TBCK: variants seen among roughly 807,000 people sequenced by gnomAD.
TBCK encodes the protein TBC domain-containing protein kinase-like protein.
A neutral mutation model predicts 113.4 loss-of-function variants in TBCK; 99 were observed. The ratio of observed to expected loss-of-function variants is 0.87; its 90% confidence interval spans 0.74 to 1.03. TBCK has a LOEUF of 1.03. Ranked by LOEUF, TBCK falls within the 50% of genes least tolerant of loss-of-function variation. The probability of loss-of-function intolerance (pLI) is 0.00; values close to 1 mark genes in which losing one functional copy is unlikely to be tolerated. For missense variants in TBCK, 1,045 were observed against 1,061.3 expected, an observed-to-expected ratio of 0.98 and a Z score of 0.21; for synonymous variants, 369 against 370.8, an observed-to-expected ratio of 1.00 and a Z score of 0.05.
intron 23 of TBCK, among the ~76,000 whole-genome samples, chr4:106,170,275 G>T (rs777046714): frequency 6.6e-6 from 1 of 151,800 alleles, no homozygotes; most frequent in South Asian, 2.1e-4. Context: ...TATAAGTGTG[G>T]GTTCTTATTC....
chr4:106,261,832 G>A (rs1483583907), intron 4 of TBCK, among the ~76,000 whole-genome samples: 4 of 151,830 alleles, frequency 2.6e-5, no homozygotes, highest in Non-Finnish European at 5.9e-5. Context: ...TTAGAAATAA[G>A]AGTAAAATAA....
chr4:106,278,854 ACT>A (rs1211778281), intron 3 of TBCK, among the ~76,000 whole-genome samples: 3 of 152,100 alleles, frequency 2.0e-5, no homozygotes, highest in Admixed American at 2.0e-4. Context: ...CATAATGTAA[ACT>A]CTATTGCAAT....
At chr4:106,251,250 T>C (rs919198812) in intron 6 of TBCK, 1 of 179,598 alleles carries the variant, frequency 5.6e-6, no homozygotes, top group African/African-American at 2.4e-5. Flanking sequence ...GAGGGTTATG[T>C]AATGCAGAAT....
intron 23 of TBCK, among the ~76,000 whole-genome samples, chr4:106,161,789 G>A (rs1221401020): frequency 6.6e-6 from 1 of 151,892 alleles, no homozygotes; most frequent in Non-Finnish European, 1.5e-5. Flanking sequence ...AGAGAAGTTT[G>A]GGCTGGAGCT....
rs367820352 is a variant in TBCK, at chr4:106,258,589, C to T, written c.455+1848G>A. Among the ~76,000 whole-genome samples the T allele has an allele frequency of 2.0e-5, 3 of 152,032 alleles. No homozygotes were observed. The South Asian group carries it at 6.2e-4, about 31-fold the overall frequency. ...ATTTTAAATTCAAGTGTAGCTCTTACTTGATATGCTTTAAGAAAAATCACC... is the reference window on the plus strand; with the variant it reads ...ATTTTAAATTCAAGTGTAGCTCTTATTTGATATGCTTTAAGAAAAATCACC... On this transcript the variant is annotated intron_variant, in intron 5 of 25. Transcript: ENST00000394708.
chr4:106,078,270 A>T (rs1454173156), intron 25 of TBCK, among the ~76,000 whole-genome samples: 1 of 151,894 alleles, frequency 6.6e-6, no homozygotes, highest in African/African-American at 2.4e-5. Flanking sequence ...AGCAGAAGAA[A>T]AGAAATAACC....
At chr4:106,202,811 G>A (rs1755034171) in intron 20 of TBCK, among the ~76,000 whole-genome samples, 1 of 151,798 alleles carries the variant, frequency 6.6e-6, no homozygotes, top group Non-Finnish European at 1.5e-5. Flanking sequence ...CAATGTGAAG[G>A]GCCTCACCAC....
intron 22 of TBCK, among the ~76,000 whole-genome samples, chr4:106,185,532 A>G (rs1199499575): frequency 1.3e-5 from 2 of 152,138 alleles, no homozygotes; most frequent in East Asian, 3.9e-4. Context: ...ATTCTGCTTT[A>G]GATGGCTCAT....
chr4:106,153,201 G>A (rs2149686525), intron 23 of TBCK, among the ~76,000 whole-genome samples: 1 of 152,028 alleles, frequency 6.6e-6, no homozygotes, highest in East Asian at 1.9e-4. Flanking sequence ...GGCACTTATA[G>A]CTATTAACTT....
intron 23 of TBCK, among the ~76,000 whole-genome samples, chr4:106,134,346 G>A (rs772608489): frequency 8.5e-5 from 13 of 152,064 alleles, no homozygotes; most frequent in Non-Finnish European, 1.8e-4. Context: ...GGTGCTAAAA[G>A]GTTTGATAAA....
chr4:106,112,634 T>C (rs1742998892), intron 24 of TBCK, among the ~76,000 whole-genome samples: 1 of 152,168 alleles, frequency 6.6e-6, no homozygotes, highest in Admixed American at 6.5e-5. Flanking sequence ...AGGGCCCTCA[T>C]TAAGTCCACT....
chr4:106,074,747 G>A (rs1459948133), intron 25 of TBCK, among the ~76,000 whole-genome samples: 1 of 152,210 alleles, frequency 6.6e-6, no homozygotes, highest in Non-Finnish European at 1.5e-5. Context: ...AAGAGATAGT[G>A]CAGTTACCTG....
intron 5 of TBCK, among the ~76,000 whole-genome samples, chr4:106,255,569 G>A (rs574183463): frequency 6.8e-4 from 103 of 152,282 alleles, no homozygotes; most frequent in African/African-American, 2.4e-3. Context: ...GGTTGTGCCC[G>A]GAAACTTGGA....
At chr4:106,056,089 C>T (rs557533514) in intron 25 of TBCK, among the ~76,000 whole-genome samples, 3 of 150,830 alleles carry the variant, frequency 2.0e-5, no homozygotes, top group Non-Finnish European at 3.0e-5. Context: ...TCTGAATCTC[C>T]AAATGCTCAG....
chr4:106,159,319 T>C (rs1290761765), intron 23 of TBCK, among the ~76,000 whole-genome samples: 1 of 152,022 alleles, frequency 6.6e-6, no homozygotes, highest in African/African-American at 2.4e-5. Context: ...AGAAAAGCCA[T>C]CCACTGAAAA....
At chr4:106,122,291 C>T (rs1420489578) in intron 23 of TBCK, among the ~76,000 whole-genome samples, 2 of 152,142 alleles carry the variant, frequency 1.3e-5, no homozygotes, top group South Asian at 2.1e-4. Flanking sequence ...TGGATAAATT[C>T]CTCGACACAT....
intron 19 of TBCK, among the ~76,000 whole-genome samples, chr4:106,219,289 G>A (rs1396158826): frequency 1.3e-5 from 2 of 151,138 alleles, no homozygotes; most frequent in Non-Finnish European, 2.9e-5. Context: ...GTTAGTGGGT[G>A]CAGCACACCA....
chr4:106,116,376 T>A lies in TBCK; in HGVS notation c.2238A>T (p.Ser746=), dbSNP rs1323136326. The A allele has an allele frequency of 1.9e-6, 3 of 1,596,310 alleles. No individual in the cohort carries two copies. Among genetic ancestry groups the A allele is most frequent in the Non-Finnish European group, 2.6e-6 (3 of 1,174,458 alleles). The part of the protein sequence containing the change: ...ECPDPPKTDL[S]RESIPLNDLK... ...GGTCATTTAATGGGATGGATTCTCT[T>A]GACTGAAAAAAAAAATGTACAAAAA... The change falls in exon 24 of 26, where the codon TCA becomes TCT. Residue 746 remains serine (S), a splice_region_variant and synonymous_variant. Coordinates refer to ENST00000394708, the MANE Select transcript of TBCK (RefSeq NM_001163435.3).
intron 22 of TBCK, among the ~76,000 whole-genome samples, chr4:106,177,748 T>C (rs1751857895): frequency 6.6e-6 from 1 of 151,948 alleles, no homozygotes; most frequent in South Asian, 2.1e-4. Flanking sequence ...GTAGTATATT[T>C]GGGAATTAGT....
Sources: allele counts gnomAD v4.1 joint callset (sites outside exome capture counted in the v4.1 genomes callset), GRCh38; gene constraint gnomAD v4.1.1; transcripts MANE v1.5; gene names NCBI Gene and HGNC (gene_info 2026-07-23, HGNC 2026-07-21).